Variants in YEATS2 observed in about 807,000 individuals in gnomAD.
YEATS2 encodes YEATS domain-containing protein 2.
Under a neutral mutation model 163.2 loss-of-function variants are expected in YEATS2, and 77 were observed. The observed-to-expected ratio is 0.47, with a 90% CI of 0.39 to 0.57. YEATS2 has a LOEUF of 0.57. YEATS2 is among the 20% of genes least tolerant of loss of function. The pLI, the probability that YEATS2 is intolerant of heterozygous loss-of-function variation, is 0.00. For synonymous variants in YEATS2, 631 were observed against 645.1 expected (o/e 0.98, Z 0.33); for missense variants, 1,549 against 1,729.8 (o/e 0.90, Z 1.85).
chr3:183,777,758 A>T (rs962235265), intron 19 of YEATS2, 58 bp downstream of exon 19: 1 of 1,548,786 alleles, frequency 6.5e-7, no homozygotes, highest in African/African-American at 1.4e-5. Flanking sequence ...TTATTTACAT[A>T]TTTACATGTA....
chr3:183,730,052 GTTTTTTTTTTTTTTTT>G (rs869091775), intron 7 of YEATS2, among the ~76,000 whole-genome samples: 46 of 41,720 alleles, frequency 1.1e-3, no homozygotes, highest in Middle Eastern at 0.028. Context: ...TTTTTTGTTT[GTTTTTTTTTTTTTTTT>G]TTTTTTTTTT....
chr3:183,779,594 G>A (rs1001468012), intron 19 of YEATS2, among the ~76,000 whole-genome samples: 2 of 152,204 alleles, frequency 1.3e-5, no homozygotes, highest in Non-Finnish European at 2.9e-5. Context: ...GTTAGGGTAG[G>A]AGCAACCGTG....
In YEATS2 at chr3:183,800,520, C is replaced by A. The variant is rs367601561; in HGVS notation, c.3380C>A (p.Thr1127Lys). The change falls in exon 24 of 31, where the codon ACA becomes AAA. Residue 1127 changes from threonine to lysine, a missense_variant. By Grantham distance (78) the Thr-to-Lys change is moderately conservative. Coordinates refer to ENST00000305135, the MANE Select transcript of YEATS2 (RefSeq NM_018023.5). ...AGTTGCCTCTCTCAGGAGGGTCAGA[C>A]AGCAGTGAAAACAGAAGAAAGTTCT... ...GPSCLSQEGQ[T>K]AVKTEESSEL... is the part of the protein sequence containing the mutation. 5.0e-6 allele frequency: 8 copies of A among 1,614,178 alleles called. No individual in the cohort carries two copies. The South Asian group carries it at 8.8e-5, about 18-fold the overall frequency.
intron 26 of YEATS2, 45 bp downstream of exon 26, chr3:183,803,380 T>G: frequency 6.5e-7 from 1 of 1,528,422 alleles, no homozygotes; most frequent in Non-Finnish European, 9.0e-7. Context: ...CCAGAAACCT[T>G]GTCTTATGGA....
intron 19 of YEATS2, among the ~76,000 whole-genome samples, chr3:183,783,799 T>G (rs1459168105): frequency 1.3e-5 from 2 of 152,234 alleles, no homozygotes; most frequent in African/African-American, 4.8e-5. Context: ...CTAGGTTGAT[T>G]CCATGTCTTT....
chr3:183,786,704 T>G (rs1384631770), intron 20 of YEATS2, among the ~76,000 whole-genome samples: 1 of 152,216 alleles, frequency 6.6e-6, no homozygotes, highest in Non-Finnish European at 1.5e-5. Flanking sequence ...ATGCTTAGCA[T>G]TACAGTGCAG....
intron 1 of YEATS2, among the ~76,000 whole-genome samples, chr3:183,702,974 A>G (rs1714261755): frequency 6.6e-6 from 1 of 152,210 alleles, no homozygotes; most frequent in Admixed American, 6.6e-5. Flanking sequence ...GGTTGTAGAC[A>G]GCGTACTGGC....
At chr3:183,722,658 CT>C (rs901249755) in intron 5 of YEATS2, among the ~76,000 whole-genome samples, 4 of 145,972 alleles carry the variant, frequency 2.7e-5, no homozygotes, top group East Asian at 2.1e-4. Context: ...CTAAGTGTTT[CT>C]TTTTTTTTTC....
chr3:183,796,721 A>G (rs773770784), intron 21 of YEATS2, among the ~76,000 whole-genome samples: 2 of 152,046 alleles, frequency 1.3e-5, no homozygotes, highest in Non-Finnish European at 2.9e-5. Flanking sequence ...TTTCACATCA[A>G]AACACGGAAT....
At chr3:183,793,004 T>G (rs542146296) in intron 21 of YEATS2, 123 of 612,132 alleles carry the variant, frequency 2.0e-4, no homozygotes, top group Non-Finnish European at 2.7e-4. Context: ...TTCAGTTTTG[T>G]TTTTGTTTTT....
intron 12 of YEATS2, among the ~76,000 whole-genome samples, chr3:183,757,268 A>T (rs1720867218): frequency 1.3e-5 from 2 of 151,930 alleles, no homozygotes; most frequent in Admixed American, 1.3e-4. Flanking sequence ...CCTTCAGTTA[A>T]CCTGTATTTA....
At chr3:183,765,358 C>G (rs1721800388) in intron 15 of YEATS2, among the ~76,000 whole-genome samples, 1 of 152,208 alleles carries the variant, frequency 6.6e-6, no homozygotes, top group African/African-American at 2.4e-5. Context: ...TGCCAATCCA[C>G]TCCTCCAGTG....
Position 183,800,449 on chromosome 3 carries a change from T to A in YEATS2, c.3326-17T>A. On this transcript the variant is annotated splice_polypyrimidine_tract_variant and intron_variant, in intron 23 of 30. Coordinates refer to ENST00000305135, the MANE Select transcript of YEATS2 (RefSeq NM_018023.5). ...CTGACCCCTAACAGCTGCCTCTTTGTTGCTCTTCCCTTGTAGTGAAGACTG... is the reference window on the plus strand; with the variant it reads ...CTGACCCCTAACAGCTGCCTCTTTGATGCTCTTCCCTTGTAGTGAAGACTG... 1 of 1,603,860 alleles carries A rather than the reference T, an allele frequency of 6.2e-7. No individual in the cohort carries two copies. The highest frequency in any genetic ancestry group is 8.5e-7 in the Non-Finnish European group (1 of 1,172,144).
chr3:183,732,041 GT>G lies in YEATS2; in HGVS notation c.812+3200del, dbSNP rs544490928. ...ATATGCTGTGATCAACCATAGCGCT[GT>G]TTTTTTTTTAATAGCAGGAAATGTA... On this transcript the variant is annotated intron_variant, in intron 7 of 30. Transcript: ENST00000305135. 1.5e-4 allele frequency among the ~76,000 whole-genome samples: 23 copies of G among 148,748 alleles called. No individual in the cohort carries two copies. The South Asian group carries it at 2.8e-3, about 18-fold the overall frequency.
At chr3:183,802,001 G>C (rs2108518240) in intron 25 of YEATS2, 1 of 157,110 alleles carries the variant, frequency 6.4e-6, no homozygotes, top group South Asian at 1.9e-4. Context: ...GCCACGGGTG[G>C]TGAAACAGGA....
chr3:183,803,702 G>GTGGTGAGTT lies in YEATS2; in HGVS notation c.3583-283_3583-275dup, dbSNP rs1725907562. On this transcript the variant is annotated intron_variant, in intron 26 of 30. Coordinates refer to ENST00000305135, the MANE Select transcript of YEATS2 (RefSeq NM_018023.5). ...AAGATCCTTACAGTGGGAAGGTGCTGTGGTGAGTTTAGGGAAAGCTGGGGT... is the reference window on the plus strand; with the variant it reads ...AAGATCCTTACAGTGGGAAGGTGCTGTGGTGAGTTTGGTGAGTTTAGGGAAAGCTGGGGT... 4 of 504,570 alleles carry GTGGTGAGTT rather than the reference G, an allele frequency of 7.9e-6. No individual in the cohort carries two copies. The East Asian group carries it at 1.5e-4, about 19-fold the overall frequency. The allele number at this position is 504,570 out of a possible 1,614,324, so 31.3% of individuals were successfully genotyped here. A position where few individuals can be genotyped will look rare whatever the true frequency, so the allele number is the denominator to read the frequency against.
chr3:183,779,127 T>C (rs1156997149), intron 19 of YEATS2, among the ~76,000 whole-genome samples: 1 of 151,786 alleles, frequency 6.6e-6, no homozygotes, highest in African/African-American at 2.4e-5. Flanking sequence ...GTCAGGCTGG[T>C]CTCGAACTCC....
intron 27 of YEATS2, 138 bp downstream of exon 27, chr3:183,804,326 G>A (rs531649672): frequency 3.4e-5 from 34 of 993,822 alleles, no homozygotes; most frequent in Admixed American, 5.4e-5. Flanking sequence ...TCGTGGGACC[G>A]TGCAGTCCCC....
intron 1 of YEATS2, among the ~76,000 whole-genome samples, chr3:183,709,787 C>T (rs1467474710): frequency 2.6e-5 from 4 of 151,134 alleles, no homozygotes; most frequent in African/African-American, 9.8e-5. Context: ...ACGCCATTCT[C>T]CTGCCTTAGC....
Sources: allele counts gnomAD v4.1 joint callset (sites outside exome capture counted in the v4.1 genomes callset), GRCh38; gene constraint gnomAD v4.1.1; transcripts MANE v1.5; gene names NCBI Gene and HGNC (gene_info 2026-07-23, HGNC 2026-07-21).